The following TATDN1 variants were observed in gnomAD, a reference collection of about 807,000 sequenced individuals.
TATDN1 encodes the protein deoxyribonuclease TATDN1.
A neutral mutation model predicts 46.4 loss-of-function variants in TATDN1; 40 were observed. The ratio of observed to expected loss-of-function variants is 0.86; its 90% CI spans 0.67 to 1.12. TATDN1 has a LOEUF of 1.12. Ranked by LOEUF, TATDN1 falls within the 50% of genes most tolerant of loss-of-function variation. The pLI, the probability that TATDN1 is intolerant of heterozygous loss-of-function variation, is 0.00. For missense variants in TATDN1, 326 were observed against 348.4 expected (o/e 0.94, Z 0.51); for synonymous variants, 95 against 105.6 (o/e 0.90, Z 0.62).
chr8:124,522,214 ACT>A lies in TATDN1; in HGVS notation c.89-16_89-15del. Reference sequence around the variant, plus strand: ...CCTGTAAGTCATCTGTAAAAGATAAACTCTGTATTATGAAAACCTGGCAGACA... The same window carrying A: ...CCTGTAAGTCATCTGTAAAAGATAAACTGTATTATGAAAACCTGGCAGACA... On this transcript the variant is annotated splice_polypyrimidine_tract_variant and intron_variant, in intron 2 of 11. Coordinates refer to ENST00000276692, the MANE Select transcript of TATDN1 (RefSeq NM_032026.4). The A allele has an allele frequency of 6.4e-7, 1 of 1,563,116 alleles. No homozygotes were observed. Among genetic ancestry groups the A allele is most frequent in the Non-Finnish European group, 8.7e-7 (1 of 1,152,310 alleles).
intron 9 of TATDN1, chr8:124,503,918 T>C: frequency 3.1e-6 from 4 of 1,297,018 alleles, no homozygotes; most frequent in South Asian, 1.2e-5. Context: ...CGTTCGTCCA[T>C]AGTCAGATAT....
chr8:124,504,413 A>G lies in TATDN1; in HGVS notation c.517-66T>C, dbSNP rs961066631. 6 of 1,201,740 alleles carry G rather than the reference A, an allele frequency of 5.0e-6. No homozygotes were observed. In the African/African-American group the frequency reaches 9.5e-5, roughly 19 times the overall value. 74.4% of individuals were successfully genotyped at this position (1,201,740 alleles called of 1,614,324 possible). ...CTCTTTAAAATTCTAAGTGACATTA[A>G]TAAGACTTTGTAGGCAAAAATATAG... On this transcript the variant is annotated intron_variant, in intron 8 of 11. Transcript: ENST00000276692.
chr8:124,501,602 ATAGAG>A (rs1474368442), intron 9 of TATDN1, among the ~76,000 whole-genome samples: 14 of 152,226 alleles, frequency 9.2e-5, no homozygotes, highest in Non-Finnish European at 1.6e-4. Context: ...CAGTATAAAA[ATAGAG>A]TATTCAGAAA....
intron 11 of TATDN1, among the ~76,000 whole-genome samples, chr8:124,492,751 C>CA (rs397892964): frequency 0.3 from 21,210 of 71,830 alleles, 2,806 homozygotes; most frequent in African/African-American, 0.39. Context: ...AAGATGGTCT[C>CA]AAAAAAAAAA....
At chr8:124,488,934 A>T (rs1312985826) in intron 11 of TATDN1, 1 of 442,498 alleles carries the variant, frequency 2.3e-6, no homozygotes, top group Non-Finnish European at 4.0e-6. Flanking sequence ...GTAAATTATT[A>T]AAGCAGCCAT....
intron 9 of TATDN1, among the ~76,000 whole-genome samples, chr8:124,500,315 A>C (rs1248667393): frequency 6.6e-6 from 1 of 152,248 alleles, no homozygotes; most frequent in Non-Finnish European, 1.5e-5. Context: ...ATAAATGACT[A>C]ACCTATTAAT....
At chr8:124,531,962 T>C (rs1387994367) in intron 1 of TATDN1, among the ~76,000 whole-genome samples, 1 of 152,142 alleles carries the variant, frequency 6.6e-6, no homozygotes, top group African/African-American at 2.4e-5. Context: ...TGTCTGGGGA[T>C]TGCAAGCGCA....
At chr8:124,494,157 C>T (rs1817259053) in intron 10 of TATDN1, 198 bp from the exon 11 acceptor site, 1 of 401,810 alleles carries the variant, frequency 2.5e-6, no homozygotes, top group Non-Finnish European at 4.3e-6. Flanking sequence ...CTAAGACTCA[C>T]TTCTATTCCT....
At chr8:124,530,644 G>A (rs1267991376) in intron 1 of TATDN1, among the ~76,000 whole-genome samples, 3 of 152,200 alleles carry the variant, frequency 2.0e-5, no homozygotes, top group African/African-American at 7.2e-5. Flanking sequence ...ACAAAGCAAT[G>A]ATGTCCTCAG....
At chr8:124,512,172 T>A (rs1705053151) in intron 6 of TATDN1, among the ~76,000 whole-genome samples, 1 of 152,124 alleles carries the variant, frequency 6.6e-6, no homozygotes, top group Admixed American at 6.6e-5. Context: ...CCTGTAACCC[T>A]AGCACTTTGG....
At chr8:124,520,607 C>T (rs1231172755) in intron 3 of TATDN1, among the ~76,000 whole-genome samples, 3 of 151,696 alleles carry the variant, frequency 2.0e-5, no homozygotes, top group African/African-American at 4.8e-5. Flanking sequence ...TTGAAAAAAA[C>T]GGCAAGACAA....
chr8:124,539,053 G>C lies in TATDN1; in HGVS notation c.-7C>G, dbSNP rs559816436. ...TAAACTTGAAGCGACTCATGACTGCGCATGGAGGACCTCCCCAGCGGAAGC... is the reference window on the plus strand; with the variant it reads ...TAAACTTGAAGCGACTCATGACTGCCCATGGAGGACCTCCCCAGCGGAAGC... On this transcript the variant is annotated 5_prime_UTR_variant, in exon 1 of 12. Coordinates refer to ENST00000276692, the MANE Select transcript of TATDN1 (RefSeq NM_032026.4). 2.2e-5 allele frequency: 35 copies of C among 1,613,188 alleles called. 1 individual carries two copies. Among genetic ancestry groups the C allele is most frequent in the Non-Finnish European group, 2.9e-5 (34 of 1,179,160 alleles).
At chr8:124,514,678 T>C (rs184843013) in intron 6 of TATDN1, among the ~76,000 whole-genome samples, 62 of 152,308 alleles carry the variant, frequency 4.1e-4, no homozygotes, top group Admixed American at 7.8e-4. Context: ...ACAAAATGCT[T>C]ACGTTTTAAA....
intron 6 of TATDN1, among the ~76,000 whole-genome samples, chr8:124,514,418 T>C (rs2131466238): frequency 6.6e-6 from 1 of 152,350 alleles, no homozygotes; most frequent in Non-Finnish European, 1.5e-5. Context: ...GATGGTATCT[T>C]AAGAGAGAAT....
At chr8:124,535,514 T>C (rs1178071826) in intron 1 of TATDN1, among the ~76,000 whole-genome samples, 1 of 152,150 alleles carries the variant, frequency 6.6e-6, no homozygotes, top group Non-Finnish European at 1.5e-5. Flanking sequence ...AATTTGAGTA[T>C]GATTTTGGTA....
intron 9 of TATDN1, among the ~76,000 whole-genome samples, chr8:124,503,681 T>C (rs1360236499): frequency 1.3e-5 from 2 of 152,208 alleles, no homozygotes; most frequent in Non-Finnish European, 2.9e-5. Context: ...GAAAAGTCAC[T>C]GGTAGAAGCT....
chr8:124,497,102 AATTGGTC>A (rs1469010018), intron 9 of TATDN1, among the ~76,000 whole-genome samples: 1 of 152,108 alleles, frequency 6.6e-6, no homozygotes, highest in African/African-American at 2.4e-5. Context: ...CACACATTGC[AATTGGTC>A]ATTGTCTTCT....
chr8:124,539,087 C>A (rs565573672), upstream of TATDN1: 2 of 1,611,264 alleles, frequency 1.2e-6, no homozygotes, highest in East Asian at 2.2e-5. Context: ...GCGGAAGTGG[C>A]CGCCGGCAAC....
rs762116338 is a variant in TATDN1 at position 124,488,641 on chromosome 8, T to G, written c.847A>C (p.Asn283His). 4.4e-6 allele frequency: 7 copies of G among 1,605,822 alleles called. No homozygotes were observed. In the South Asian group the frequency reaches 7.7e-5, roughly 18 times the overall value. ...TTAATAGTATTGTTATATAGTGTAT[T>G]GGCTAATTCCAGTGGATCCTCATCT... The part of the protein sequence containing the change: ...VRDEDPLELA[N>H]TLYNNTIKVF... The change falls in exon 12 of 12, where the codon AAT becomes CAT. Residue 283 changes from asparagine (N) to histidine (H), a missense_variant. Transcript: ENST00000276692.
Sources: gnomAD v4.1 joint callset for allele counts (sites outside exome capture counted in the v4.1 genomes callset) on GRCh38, gnomAD v4.1.1 for gene constraint, MANE v1.5 for transcripts, NCBI Gene and HGNC (gene_info 2026-07-23, HGNC 2026-07-21) for gene names.